MYO1D: variants seen among roughly 807,000 people sequenced by gnomAD.
MYO1D encodes unconventional myosin-Id.
In MYO1D, 83 loss-of-function variants were observed where a neutral mutation model predicts 122.0. That is an observed-to-expected ratio of 0.68 (90% CI 0.57 to 0.82). The LOEUF (loss-of-function observed/expected upper bound fraction) is 0.82. Ranked by LOEUF, MYO1D falls within the 40% of genes least tolerant of loss-of-function variation. The pLI is 0.00. For synonymous variants in MYO1D, 464 were observed against 446.9 expected, an observed-to-expected ratio of 1.04 and a Z score of -0.48; for missense variants, 1,157 against 1,269.5, an observed-to-expected ratio of 0.91 and a Z score of 1.35.
chr17:32,772,276 A>T (rs953124936), intron 5 of MYO1D, among the ~76,000 whole-genome samples: 2 of 152,106 alleles, frequency 1.3e-5, no homozygotes, highest in Non-Finnish European at 2.9e-5. Flanking sequence ...AAATACTCAA[A>T]TTTTTTTCTA....
intron 10 of MYO1D, chr17:32,756,272 G>T (rs2089946521): frequency 8.8e-6 from 2 of 227,532 alleles, no homozygotes. Context: ...TAAAGTGGGG[G>T]CTTTAACTGT....
intron 13 of MYO1D, among the ~76,000 whole-genome samples, chr17:32,744,897 C>G (rs2089815494): frequency 6.6e-6 from 1 of 152,186 alleles, no homozygotes. Context: ...TCACCTGACA[C>G]TTCTTCATCA....
At chr17:32,802,636 A>C (rs2090470319) in intron 1 of MYO1D, among the ~76,000 whole-genome samples, 1 of 152,238 alleles carries the variant, frequency 6.6e-6, no homozygotes, top group Admixed American at 6.5e-5. Context: ...AGTTGTAAGA[A>C]GACCATTAAA....
intron 1 of MYO1D, among the ~76,000 whole-genome samples, chr17:32,787,141 G>C (rs1182729046): frequency 4.0e-5 from 6 of 150,758 alleles, no homozygotes; most frequent in Non-Finnish European, 8.9e-5. Flanking sequence ...AACCAGAAGA[G>C]AGAAAAAAAA....
chr17:32,874,823 T>G (rs576163008), intron 1 of MYO1D, among the ~76,000 whole-genome samples: 2 of 152,248 alleles, frequency 1.3e-5, no homozygotes, highest in African/African-American at 4.8e-5. Context: ...ACATAGGAGT[T>G]GTTAGGCTCA....
chr17:32,597,628 T>C (rs1220117451), intron 21 of MYO1D, among the ~76,000 whole-genome samples: 1 of 152,078 alleles, frequency 6.6e-6, no homozygotes, highest in Admixed American at 6.6e-5. Context: ...TCCCAGCACT[T>C]TGGGAGGCTG....
intron 16 of MYO1D, among the ~76,000 whole-genome samples, chr17:32,661,557 A>G (rs1277587397): frequency 1.3e-5 from 2 of 152,012 alleles, no homozygotes; most frequent in Non-Finnish European, 2.9e-5. Flanking sequence ...CAGGAGGCTT[A>G]GGTGGGAGGA....
chr17:32,585,946 A>C (rs2087383830), intron 21 of MYO1D, among the ~76,000 whole-genome samples: 1 of 152,174 alleles, frequency 6.6e-6, no homozygotes, highest in African/African-American at 2.4e-5. Flanking sequence ...CATGTCGGCT[A>C]CTTCTTTTGG....
intron 15 of MYO1D, among the ~76,000 whole-genome samples, chr17:32,718,340 G>T (rs949838394): frequency 6.6e-6 from 1 of 152,120 alleles, no homozygotes; most frequent in Non-Finnish European, 1.5e-5. Flanking sequence ...CCATAAATTA[G>T]TTTTGCCTGC....
chr17:32,634,515 A>G (rs1032284659), intron 20 of MYO1D, among the ~76,000 whole-genome samples: 2 of 152,230 alleles, frequency 1.3e-5, no homozygotes, highest in African/African-American at 4.8e-5. Flanking sequence ...ATGTAAGGAT[A>G]GTGGGATTGG....
intron 1 of MYO1D, among the ~76,000 whole-genome samples, chr17:32,868,457 T>C (rs11655775): frequency 0.037 from 5,699 of 152,218 alleles, 156 homozygotes; most frequent in Non-Finnish European, 0.054. Flanking sequence ...CTGAATTCCC[T>C]AGTTTGCGCC....
At chr17:32,849,800 AC>A (rs1408778853) in intron 1 of MYO1D, among the ~76,000 whole-genome samples, 1 of 87,214 alleles carries the variant, frequency 1.1e-5, no homozygotes, top group Non-Finnish European at 2.3e-5. Flanking sequence ...GTACCCTAAA[AC>A]TTAAAGTATA....
intron 17 of MYO1D, among the ~76,000 whole-genome samples, chr17:32,656,761 A>T (rs1396650727): frequency 6.6e-6 from 1 of 152,242 alleles, no homozygotes; most frequent in Non-Finnish European, 1.5e-5. Context: ...GTCAAAGTCA[A>T]GGACGCTGTG....
chr17:32,520,167 G>T (rs1309604111), intron 21 of MYO1D, among the ~76,000 whole-genome samples: 2 of 152,032 alleles, frequency 1.3e-5, no homozygotes, highest in Non-Finnish European at 2.9e-5. Flanking sequence ...ATTTCAGCAC[G>T]AACAGGGAAA....
At chr17:32,532,523 C>A (rs1189945028) in intron 21 of MYO1D, among the ~76,000 whole-genome samples, 1 of 151,882 alleles carries the variant, frequency 6.6e-6, no homozygotes, top group African/African-American at 2.4e-5. Flanking sequence ...GTCAGGAGAT[C>A]GAGACCATCC....
chr17:32,625,238 C>T (rs1341412048), intron 20 of MYO1D, among the ~76,000 whole-genome samples: 4 of 151,946 alleles, frequency 2.6e-5, no homozygotes, highest in African/African-American at 9.7e-5. Flanking sequence ...TTTTAGAAAG[C>T]TATTATTAAT....
chr17:32,743,340 T>G lies in MYO1D; in HGVS notation c.1613+1871A>C, dbSNP rs139475597. 3.7e-4 allele frequency among the ~76,000 whole-genome samples: 57 copies of G among 152,306 alleles called. No homozygotes were observed. The East Asian group carries it at 7.0e-3, about 19-fold the overall frequency. On this transcript the variant is annotated intron_variant, in intron 13 of 21. Transcript: ENST00000318217. ...CAGATGCATAGTTGCAATTGCTGAT[T>G]TGGCACTTTTAATTGGGTATCCAAA...
intron 16 of MYO1D, among the ~76,000 whole-genome samples, chr17:32,692,882 T>C (rs948295051): frequency 3.3e-5 from 5 of 152,232 alleles, no homozygotes; most frequent in Non-Finnish European, 7.3e-5. Flanking sequence ...GGTTGATAAT[T>C]AAATACTCCC....
At chr17:32,660,290 GATT>G (rs1168672082) in intron 16 of MYO1D, among the ~76,000 whole-genome samples, 4 of 152,136 alleles carry the variant, frequency 2.6e-5, no homozygotes, top group African/African-American at 9.7e-5. Context: ...CTCTTAGGTT[GATT>G]ATATTATTTC....
Sources: allele counts gnomAD v4.1 joint callset (sites outside exome capture counted in the v4.1 genomes callset), GRCh38; gene constraint gnomAD v4.1.1; transcripts MANE v1.5; gene names NCBI Gene and HGNC (gene_info 2026-07-23, HGNC 2026-07-21).